Variants in APLN observed in about 807,000 individuals in gnomAD.
APLN encodes the protein AGTRL1 ligand.
Under a neutral mutation model 4.3 loss-of-function variants are expected in APLN, and 2 were observed. The ratio of observed to expected loss-of-function variants is 0.46; its 90% CI spans 0.19 to 1.45. The LOEUF (loss-of-function observed/expected upper bound fraction) is 1.45. APLN is among the 40% of genes most tolerant of loss of function. The probability of loss-of-function intolerance (pLI) is 0.25; values close to 1 mark genes in which losing one functional copy is unlikely to be tolerated. For missense variants in APLN, 80 were observed against 70.0 expected (o/e 1.14, Z -0.51); for synonymous variants, 34 against 30.4 (o/e 1.12, Z -0.38).
Position 129,647,651 on chromosome X carries a change from G to T in APLN, c.*272C>A. ...GGAGGGGACCTGGAGAAGAAGGGAGGCTTTCTGGGGCTAGGTCTCCAAAGT... is the reference window on the plus strand; with the variant it reads ...GGAGGGGACCTGGAGAAGAAGGGAGTCTTTCTGGGGCTAGGTCTCCAAAGT... On this transcript the variant is annotated 3_prime_UTR_variant, in exon 3 of 3. Coordinates refer to ENST00000429967, the MANE Select transcript of APLN (RefSeq NM_017413.5). The T allele has an allele frequency of 1.0e-6, 1 of 982,442 alleles. No individual in the cohort carries two copies. Among genetic ancestry groups the T allele is most frequent in the Non-Finnish European group, 1.3e-6 (1 of 755,740 alleles). The allele number at this position is 982,442 out of a possible 1,213,427, so 81.0% of individuals were successfully genotyped here.
intron 1 of APLN, 100 bp from the exon 2 acceptor site, chrX:129,648,892 G>A: frequency 1.3e-6 from 1 of 787,313 alleles, no homozygotes; most frequent in South Asian, 3.1e-5. Flanking sequence ...CCATGTGGTG[G>A]CACTTCTCAT....
rs964111819 is a variant in APLN, at chrX:129,647,713, A to G, written c.*210T>C. The G allele has an allele frequency of 2.7e-5, 26 of 980,957 alleles. No homozygotes were observed. The highest frequency in any genetic ancestry group is 6.1e-5 in the Admixed American group (2 of 32,774). 80.8% of individuals were successfully genotyped at this position (980,957 alleles called of 1,213,427 possible). A position where few individuals can be genotyped will look rare whatever the true frequency, so the allele number is the denominator to read the frequency against. On this transcript the variant is annotated 3_prime_UTR_variant, in exon 3 of 3. Coordinates refer to ENST00000429967, the MANE Select transcript of APLN (RefSeq NM_017413.5). ...GGGGCCAGGAAGATGGACTGGACGG[A>G]TTCTTGTGAGAGAACGGGAATCATC...
Position 129,647,657 on chromosome X carries a change from T to C in APLN, c.*266A>G, listed in dbSNP as rs968624957. On this transcript the variant is annotated 3_prime_UTR_variant, in exon 3 of 3. Transcript: ENST00000429967. ...GACCTGGAGAAGAAGGGAGGCTTTC[T>C]GGGGCTAGGTCTCCAAAGTCAGTCC... is the stretch of plus-strand genomic sequence containing the variant. 41 of 980,471 alleles carry C rather than the reference T, an allele frequency of 4.2e-5. No individual in the cohort carries two copies. Among genetic ancestry groups the C allele is most frequent in the Non-Finnish European group, 5.2e-5 (39 of 755,431 alleles). 80.8% of individuals were successfully genotyped at this position (980,471 alleles called of 1,213,427 possible). A position where few individuals can be genotyped will look rare whatever the true frequency, so the allele number is the denominator to read the frequency against.
At chrX:129,648,813 G>A in intron 1 of APLN, 21 bp from the exon 2 acceptor site, 2 of 1,143,461 alleles carry the variant, frequency 1.7e-6, no homozygotes, top group Non-Finnish European at 2.3e-6. Flanking sequence ...GAGAAAGCCT[G>A]TTAGTGAGGA....
chrX:129,654,069 C>CGTCTGCA (rs1485062586), intron 1 of APLN, among the ~76,000 whole-genome samples: 1 of 113,199 alleles, frequency 8.8e-6, no homozygotes, highest in Non-Finnish European at 1.9e-5. Context: ...ACAAGTGTCA[C>CGTCTGCA]GTCTGCATGT....
chrX:129,652,945 C>A (rs1394363015), intron 1 of APLN, among the ~76,000 whole-genome samples: 2 of 112,331 alleles, frequency 1.8e-5, no homozygotes, highest in Non-Finnish European at 3.8e-5. Context: ...CCTGAAGGCA[C>A]CACCCTGGAC....
Position 129,648,683 on chromosome X carries a change from C to T in APLN, c.177G>A (p.Arg59=). 3 of 1,188,518 alleles carry T rather than the reference C, an allele frequency of 2.5e-6. No homozygotes were observed. The highest frequency in any genetic ancestry group is 2.3e-4 in the Middle Eastern group (1 of 4,296). Residue 59 remains arginine, a synonymous_variant, in exon 2 of 3, where the codon CGG becomes CGA. Transcript: ENST00000429967. The part of the protein sequence containing the change: ...RNGPGPWQGG[R]RKFRRQRPRL... ...GGGGCCGCTGGCGGCGGAATTTCCT[C>T]CGACCTCCCTGCCAGGGCCCTGGCC...
At position 129,654,750 on chromosome X, in the gene APLN, C is replaced by G. The variant is rs1333299189; in HGVS notation, c.-120G>C. 1.2e-5 allele frequency: 5 copies of G among 422,262 alleles called. No homozygotes were observed. The East Asian group carries it at 3.0e-4, about 25-fold the overall frequency. 34.8% of individuals were successfully genotyped at this position (422,262 alleles called of 1,213,427 possible). A position where few individuals can be genotyped will look rare whatever the true frequency, so the allele number is the denominator to read the frequency against. The stretch of plus-strand genomic sequence containing the variant: ...GCGTGCGGGCGCAGAGCTCGGGAGG[C>G]TCCCCGGCCGCTGAGTGTGCGCGCT... On this transcript the variant is annotated 5_prime_UTR_variant, in exon 1 of 3. Coordinates refer to ENST00000429967, the MANE Select transcript of APLN (RefSeq NM_017413.5).
chrX:129,654,589 C>A lies in APLN; in HGVS notation c.42G>T (p.Trp14Cys). ...RLCVQALLLL[W>C]LSLTAVCGGS... is the part of the protein sequence containing the mutation. Reference sequence around the variant, plus strand: ...CTCCACACACCGCGGTCAAGGAGAGCCAGAGCAGCAGGAGCGCCTGCACGC... The same window carrying A: ...CTCCACACACCGCGGTCAAGGAGAGACAGAGCAGCAGGAGCGCCTGCACGC... The change falls in exon 1 of 3, where the codon TGG (tryptophan) becomes TGT (cysteine). Residue 14 changes from tryptophan to cysteine, a missense_variant. Coordinates refer to ENST00000429967, the MANE Select transcript of APLN (RefSeq NM_017413.5). 1.7e-6 allele frequency: 2 copies of A among 1,156,233 alleles called. No individual in the cohort carries two copies. The highest frequency in any genetic ancestry group is 2.3e-6 in the Non-Finnish European group (2 of 869,577).
Position 129,648,664 on chromosome X carries a change from G to T in APLN, c.196C>A (p.Arg66=). ...QGGRRKFRRQ[R]PRLSHKGPMP... The stretch of plus-strand genomic sequence containing the variant: ...GGTCCCTTATGGGAGAGGCGGGGCC[G>T]CTGGCGGCGGAATTTCCTCCGACCT... Residue 66 remains arginine (R), a synonymous_variant, in exon 2 of 3, where the codon CGG becomes AGG. Transcript: ENST00000429967. 8.4e-7 allele frequency: 1 copy of T among 1,193,193 alleles called. No homozygotes were observed.
At chrX:129,652,815 G>A (rs1468772176) in intron 1 of APLN, among the ~76,000 whole-genome samples, 1 of 111,598 alleles carries the variant, frequency 9.0e-6, no homozygotes, top group Admixed American at 9.4e-5. Flanking sequence ...ACCCAGGAGG[G>A]TCTGAGTGGT....
At position 129,647,536 on chromosome X, in the gene APLN, G is replaced by A; in HGVS notation, c.*387C>T. ...GATCTGCTGGAGCCCACAGAAGGGA[G>A]CACTTCCACCCCGCGCTCAGGGCAG... On this transcript the variant is annotated 3_prime_UTR_variant, in exon 3 of 3. Coordinates refer to ENST00000429967, the MANE Select transcript of APLN (RefSeq NM_017413.5). 1 of 853,835 alleles carries A rather than the reference G, an allele frequency of 1.2e-6. No homozygotes were observed. The allele number at this position is 853,835 out of a possible 1,213,427, so 70.4% of individuals were successfully genotyped here.
chrX:129,647,981 G>T (rs2124449500), intron 2 of APLN, 64 bp from the exon 3 acceptor site: 1 of 964,563 alleles, frequency 1.0e-6, no homozygotes, highest in Admixed American at 3.1e-5. Flanking sequence ...GAACTCCCCA[G>T]GAAAGGAGAG....
In APLN at chrX:129,647,395, A is replaced by G; in HGVS notation, c.*528T>C. ...ACCACCCTGGCACTTCCATGCCCCC[A>G]ATGTGCCCTGTCTGGATCCCCGCAG... On this transcript the variant is annotated 3_prime_UTR_variant, in exon 3 of 3. Transcript: ENST00000429967. The G allele has an allele frequency of 3.9e-6, 1 of 257,478 alleles. No individual in the cohort carries two copies. The highest frequency in any genetic ancestry group is 4.3e-5 in the South Asian group (1 of 23,228). 21.2% of individuals were successfully genotyped at this position (257,478 alleles called of 1,213,427 possible).
At chrX:129,649,840 C>A (rs1936967829) in intron 1 of APLN, among the ~76,000 whole-genome samples, 1 of 111,419 alleles carries the variant, frequency 9.0e-6, no homozygotes, top group Non-Finnish European at 1.9e-5. Context: ...TGAGCCCTGA[C>A]AATGGAATCC....
At chrX:129,653,479 C>T (rs746458692) in intron 1 of APLN, among the ~76,000 whole-genome samples, 5 of 112,703 alleles carry the variant, frequency 4.4e-5, no homozygotes, top group African/African-American at 9.7e-5. Flanking sequence ...ATGGTCCTGG[C>T]GTTAGTCCAC....
chrX:129,653,659 G>A (rs1008909241), intron 1 of APLN, among the ~76,000 whole-genome samples: 3 of 112,672 alleles, frequency 2.7e-5, no homozygotes, highest in African/African-American at 6.4e-5. Context: ...GGCTAGGGGC[G>A]GACATGGGCA....
rs1327350618 is a variant in APLN, at chrX:129,645,436, A to G, written c.*2487T>C. ...AAGTCCTGAAAGTGTTCAAAAGTAG[A>G]TAAAATAGCAGAAGACACCCACCAA... On this transcript the variant is annotated 3_prime_UTR_variant, in exon 3 of 3. Transcript: ENST00000429967. 8.9e-6 allele frequency: 1 copy of G among 112,716 alleles called. No homozygotes were observed. The highest frequency in any genetic ancestry group is 1.9e-5 in the Non-Finnish European group (1 of 53,415). 9.3% of individuals were successfully genotyped at this position (112,716 alleles called of 1,213,427 possible). A position where few individuals can be genotyped will look rare whatever the true frequency, so the allele number is the denominator to read the frequency against.
At chrX:129,654,387 G>C (rs1936995445) in intron 1 of APLN, among the ~76,000 whole-genome samples, 177 bp downstream of exon 1, 1 of 113,254 alleles carries the variant, frequency 8.8e-6, no homozygotes, top group South Asian at 3.5e-4. Context: ...AGTCCTTGTG[G>C]CCAGCCGCCC....
Sources: gnomAD v4.1 joint callset for allele counts (sites outside exome capture counted in the v4.1 genomes callset) on GRCh38, gnomAD v4.1.1 for gene constraint, MANE v1.5 for transcripts, NCBI Gene and HGNC (gene_info 2026-07-23, HGNC 2026-07-21) for gene names.